Variants in GPC5 observed in about 807,000 individuals in gnomAD.
GPC5 encodes the protein glypican-5.
GPC5 carries 47 observed loss-of-function variants against 53.9 expected under a neutral mutation model. The observed-to-expected ratio is 0.87, with a 90% CI of 0.69 to 1.11. The LOEUF (loss-of-function observed/expected upper bound fraction) is 1.11. GPC5 is among the 50% of genes most tolerant of loss of function. The pLI is 0.00. For missense variants in GPC5, 748 were observed against 713.1 expected (o/e 1.05, Z -0.56); for synonymous variants, 286 against 263.3 (o/e 1.09, Z -0.84).
intron 2 of GPC5, among the ~76,000 whole-genome samples, chr13:91,598,579 TC>T (rs1025339292): frequency 4.8e-4 from 73 of 152,216 alleles, no homozygotes; most frequent in African/African-American, 1.7e-3. Flanking sequence ...TTGGTTCATT[TC>T]TACCTTTGAT....
At chr13:91,734,452 G>T (rs908134581) in intron 4 of GPC5, among the ~76,000 whole-genome samples, 1 of 151,296 alleles carries the variant, frequency 6.6e-6, no homozygotes, top group Non-Finnish European at 1.5e-5. Context: ...CCTAAAACTC[G>T]ATTTTCATTT....
At chr13:92,628,264 C>CTT (rs71123419) in intron 7 of GPC5, among the ~76,000 whole-genome samples, 60 of 45,346 alleles carry the variant, frequency 1.3e-3, no homozygotes, top group African/African-American at 3.1e-3. Context: ...CTTTTTCTTT[C>CTT]TTTTTTTTTT....
intron 5 of GPC5, among the ~76,000 whole-genome samples, chr13:91,897,008 C>G (rs1468403778): frequency 9.9e-6 from 1 of 101,190 alleles, no homozygotes; most frequent in Non-Finnish European, 2.0e-5. Context: ...TTTCCCAACT[C>G]CTCCTCTTCC....
chr13:92,163,242 A>C (rs1593948402), intron 7 of GPC5, among the ~76,000 whole-genome samples: 1 of 152,014 alleles, frequency 6.6e-6, no homozygotes, highest in African/African-American at 2.4e-5. Context: ...TGGGCGGATC[A>C]CCTGAGGTCA....
chr13:91,490,923 C>CT lies in GPC5; in HGVS notation c.325+42010dup, dbSNP rs199783431. ...TTTCCACCCTTACCCCTACCAAACT[C>CT]TTTTTTTTTCCACATTTGTCTACTA... On this transcript the variant is annotated intron_variant, in intron 2 of 7. Coordinates refer to ENST00000377067, the MANE Select transcript of GPC5 (RefSeq NM_004466.6). Among the ~76,000 whole-genome samples the CT allele has an allele frequency of 4.5e-3, 680 of 151,592 alleles. 4 individuals are homozygous for CT. The highest frequency in any genetic ancestry group is 0.015 in the African/African-American group (640 of 41,332).
At chr13:92,260,679 G>C (rs1008422700) in intron 7 of GPC5, among the ~76,000 whole-genome samples, 1 of 152,088 alleles carries the variant, frequency 6.6e-6, no homozygotes, top group Non-Finnish European at 1.5e-5. Flanking sequence ...GGGTGGGTTT[G>C]GTTACTAGTA....
At position 91,785,592 on chromosome 13, in the gene GPC5, C is replaced by T. The variant is rs527344807; in HGVS notation, c.1280+29172C>T. Among the ~76,000 whole-genome samples the T allele has an allele frequency of 2.0e-5, 3 of 152,332 alleles. No individual in the cohort carries two copies. The East Asian group carries it at 5.8e-4, about 29-fold the overall frequency. On this transcript the variant is annotated intron_variant, in intron 5 of 7. Coordinates refer to ENST00000377067, the MANE Select transcript of GPC5 (RefSeq NM_004466.6). ...TTACTTGGCATATTCAGCTCAATGG[C>T]TATAAATATCTGAAACTTCAGATGT...
chr13:92,075,862 A>C (rs2041247597), intron 6 of GPC5, among the ~76,000 whole-genome samples: 1 of 152,220 alleles, frequency 6.6e-6, no homozygotes, highest in African/African-American at 2.4e-5. Context: ...GAAGCCAATC[A>C]ATAAAATTAA....
At chr13:91,600,907 T>C (rs1163213699) in intron 2 of GPC5, among the ~76,000 whole-genome samples, 1 of 152,156 alleles carries the variant, frequency 6.6e-6, no homozygotes, top group Non-Finnish European at 1.5e-5. Flanking sequence ...TTAATTTCAG[T>C]CAACTAATTG....
At chr13:92,296,933 T>C (rs2043040155) in intron 7 of GPC5, among the ~76,000 whole-genome samples, 2 of 152,210 alleles carry the variant, frequency 1.3e-5, no homozygotes, top group Non-Finnish European at 2.9e-5. Flanking sequence ...CAGCCCGCCA[T>C]GCCTGAGCCT....
At chr13:91,543,483 C>A (rs916197173) in intron 2 of GPC5, among the ~76,000 whole-genome samples, 2 of 151,638 alleles carry the variant, frequency 1.3e-5, no homozygotes, top group African/African-American at 4.8e-5. Context: ...CCTTTTATTA[C>A]CACTTGCATA....
At chr13:91,878,442 G>A (rs975923348) in intron 5 of GPC5, among the ~76,000 whole-genome samples, 16 of 152,070 alleles carry the variant, frequency 1.1e-4, no homozygotes, top group Non-Finnish European at 2.2e-4. Context: ...CCTAGTACAC[G>A]CAGCTACACG....
At chr13:92,585,136 C>T (rs1461993260) in intron 7 of GPC5, among the ~76,000 whole-genome samples, 8 of 152,052 alleles carry the variant, frequency 5.3e-5, no homozygotes, top group South Asian at 2.1e-4. Context: ...GAGAAGAGGG[C>T]CACTATCCTT....
At chr13:92,328,321 A>G (rs1051117505) in intron 7 of GPC5, among the ~76,000 whole-genome samples, 1 of 152,156 alleles carries the variant, frequency 6.6e-6, no homozygotes, top group Non-Finnish European at 1.5e-5. Context: ...ATATACAACC[A>G]GATAGGGAGT....
Position 91,693,548 on chromosome 13 carries a change from C to G in GPC5, c.687C>G (p.Leu229=), listed in dbSNP as rs144029884. ...LLPSRTFLQA[L]NLGIEVINTT... is the part of the protein sequence containing the mutation. ...CCAGCCGCACTTTTCTGCAGGCACT[C>G]AATCTGGGCATTGAAGTCATCAACA... Residue 229 remains leucine (L), a synonymous_variant, in exon 3 of 8, where the codon CTC becomes CTG. Transcript: ENST00000377067. 6.2e-7 allele frequency: 1 copy of G among 1,614,072 alleles called. No individual in the cohort carries two copies. The highest frequency in any genetic ancestry group is 8.5e-7 in the Non-Finnish European group (1 of 1,180,010).
chr13:91,572,401 A>G (rs1227853078), intron 2 of GPC5, among the ~76,000 whole-genome samples: 1 of 151,922 alleles, frequency 6.6e-6, no homozygotes, highest in Non-Finnish European at 1.5e-5. Flanking sequence ...GGTGATCTAT[A>G]AAGAAAAAAG....
intron 5 of GPC5, among the ~76,000 whole-genome samples, chr13:91,885,136 G>T (rs2039308610): frequency 6.6e-6 from 1 of 152,026 alleles, no homozygotes; most frequent in African/African-American, 2.4e-5. Flanking sequence ...CATTAATGTT[G>T]ATTATTTTTC....
intron 5 of GPC5, among the ~76,000 whole-genome samples, chr13:91,844,717 CTGTTTT>C (rs1165449290): frequency 4.6e-5 from 7 of 151,758 alleles, no homozygotes; most frequent in Non-Finnish European, 8.8e-5. Context: ...TTATTTTGTT[CTGTTTT>C]TGTTTTTGTT....
chr13:91,832,438 C>T (rs2038673034), intron 5 of GPC5, among the ~76,000 whole-genome samples: 1 of 151,414 alleles, frequency 6.6e-6, no homozygotes, highest in Non-Finnish European at 1.5e-5. Flanking sequence ...ATCCAATTTG[C>T]CAGTCTGTGT....
Sources: allele counts gnomAD v4.1 joint callset (sites outside exome capture counted in the v4.1 genomes callset), GRCh38; gene constraint gnomAD v4.1.1; transcripts MANE v1.5; gene names NCBI Gene and HGNC (gene_info 2026-07-23, HGNC 2026-07-21).